Variants in NETO1 observed in about 807,000 individuals in gnomAD.
The protein encoded by NETO1 is neuropilin and tolloid like 1, also known as neuropilin and tolloid-like protein 1.
In NETO1, 26 loss-of-function variants were observed where a neutral mutation model predicts 61.3. The observed-to-expected ratio is 0.42, with a 90% CI of 0.31 to 0.59. NETO1 has a LOEUF of 0.59. Among genes scored for constraint, NETO1 ranks in the 20% least tolerant of loss-of-function variants. The probability of loss-of-function intolerance (pLI) is 0.12; values close to 1 mark genes in which losing one functional copy is unlikely to be tolerated. For synonymous variants in NETO1, 225 were observed against 225.8 expected, an observed-to-expected ratio of 1.00 and a Z score of 0.03; for missense variants, 531 against 662.8, an observed-to-expected ratio of 0.80 and a Z score of 2.18.
chr18:72,854,201 T>C (rs1417310951), intron 4 of NETO1, among the ~76,000 whole-genome samples: 1 of 152,130 alleles, frequency 6.6e-6, no homozygotes, highest in Non-Finnish European at 1.5e-5. Context: ...CACTTTGAGC[T>C]CCCCAGATGA....
intron 6 of NETO1, among the ~76,000 whole-genome samples, chr18:72,784,637 T>C (rs139370941): frequency 1.8e-3 from 276 of 152,326 alleles, no homozygotes; most frequent in African/African-American, 4.5e-3. Flanking sequence ...ATGGTATAAA[T>C]TGAAAATTAG....
intron 7 of NETO1, among the ~76,000 whole-genome samples, chr18:72,780,613 A>T (rs2071703813): frequency 6.6e-6 from 1 of 152,118 alleles, no homozygotes; most frequent in Non-Finnish European, 1.5e-5. Flanking sequence ...CCAATCACCC[A>T]TCTATCCATA....
chr18:72,800,121 G>T (rs73471815), intron 4 of NETO1, among the ~76,000 whole-genome samples: 1 of 152,202 alleles, frequency 6.6e-6, no homozygotes, highest in African/African-American at 2.4e-5. Flanking sequence ...GCTTTCAGAA[G>T]AGCTTGAGTG....
chr18:72,807,175 T>C (rs2072701557), intron 4 of NETO1, among the ~76,000 whole-genome samples: 1 of 152,234 alleles, frequency 6.6e-6, no homozygotes, highest in Non-Finnish European at 1.5e-5. Context: ...TTTAAAGGTA[T>C]ACTCTTTTCT....
At chr18:72,794,035 C>T (rs186762813) in intron 6 of NETO1, 82 bp downstream of exon 6, 331 of 1,554,424 alleles carry the variant, frequency 2.1e-4, no homozygotes, top group East Asian at 5.6e-4. Flanking sequence ...GTATTAGACA[C>T]GTCCAGTTGC....
In NETO1 at chr18:72,858,792, G is replaced by C; in HGVS notation, c.469+34C>G. 2 of 1,557,950 alleles carry C rather than the reference G, an allele frequency of 1.3e-6. 1 individual carries two copies. The highest frequency in any genetic ancestry group is 2.5e-5 in the South Asian group (2 of 80,880). On this transcript the variant is annotated intron_variant, in intron 4 of 10. Coordinates refer to ENST00000327305, the MANE Select transcript of NETO1 (RefSeq NM_138966.5). Reference sequence around the variant, plus strand: ...ACTATGAAGATAGAAAAATGAGGAAGAAAAAGAAATTTTTTTTTTAAGTAC... The same window carrying C: ...ACTATGAAGATAGAAAAATGAGGAACAAAAAGAAATTTTTTTTTTAAGTAC...
rs975805054 is a variant in NETO1, at chr18:72,858,844, G to C, written c.451C>G (p.Arg151Gly). 1 of 1,610,050 alleles carries C rather than the reference G, an allele frequency of 6.2e-7. No individual in the cohort carries two copies. Among genetic ancestry groups the C allele is most frequent in the Middle Eastern group, 1.7e-4 (1 of 6,030 alleles). The part of the protein sequence containing the change: ...GELESMGFSA[R>G]YNFTPDPDFK... ...TACTTACCAGGTGTGAAATTGTATC[G>C]AGCTGAAAATCCCATAGATTCCAGC... The change falls in exon 4 of 11, where the codon CGA becomes GGA. Residue 151 changes from arginine (R) to glycine (G), a missense_variant. Coordinates refer to ENST00000327305, the MANE Select transcript of NETO1 (RefSeq NM_138966.5).
intron 4 of NETO1, among the ~76,000 whole-genome samples, chr18:72,809,159 A>G (rs1307743061): frequency 2.0e-5 from 3 of 152,202 alleles, no homozygotes; most frequent in Admixed American, 1.3e-4. Context: ...ACTTTTTATA[A>G]AAGCCACACA....
chr18:72,752,172 T>C (rs1051053148), intron 8 of NETO1: 4 of 152,166 alleles, frequency 2.6e-5, no homozygotes, highest in African/African-American at 7.2e-5. Flanking sequence ...TAACAGCTAA[T>C]GAGAGTCCTC....
Position 72,749,195 on chromosome 18 carries a change from T to TA in NETO1, c.1542-108dup, listed in dbSNP as rs529963741. On this transcript the variant is annotated intron_variant, in intron 9 of 10. Coordinates refer to ENST00000327305, the MANE Select transcript of NETO1 (RefSeq NM_138966.5). ...TTTAAAATTCAGAAAACTGTGGAAA[T>TA]AGACTTATGTCAGCATGCAAAACAT... The TA allele has an allele frequency of 9.9e-5, 74 of 747,114 alleles. No individual in the cohort carries two copies. In the African/African-American group the frequency reaches 1.0e-3, roughly 10 times the overall value. The allele number at this position is 747,114 out of a possible 1,614,324, so 46.3% of individuals were successfully genotyped here. A position where few individuals can be genotyped will look rare whatever the true frequency, so the allele number is the denominator to read the frequency against.
downstream of NETO1, among the ~76,000 whole-genome samples, chr18:72,743,203 A>G (rs936525942): frequency 1.3e-5 from 2 of 152,162 alleles, no homozygotes; most frequent in African/African-American, 4.8e-5. Flanking sequence ...ACTCTGTCAA[A>G]TATACTTAGT....
At chr18:72,763,727 T>G (rs2071059073) in intron 7 of NETO1, among the ~76,000 whole-genome samples, 1 of 152,168 alleles carries the variant, frequency 6.6e-6, no homozygotes, top group African/African-American at 2.4e-5. Context: ...TCCCTGATCT[T>G]TAATTTGAAT....
intron 7 of NETO1, among the ~76,000 whole-genome samples, chr18:72,765,131 C>G (rs941847083): frequency 1.3e-5 from 2 of 152,202 alleles, no homozygotes; most frequent in African/African-American, 4.8e-5. Flanking sequence ...CCTTAGTACA[C>G]AGCAAGTGAT....
At chr18:72,862,280 G>A (rs996510167) in intron 3 of NETO1, among the ~76,000 whole-genome samples, 8 of 152,138 alleles carry the variant, frequency 5.3e-5, no homozygotes, top group African/African-American at 1.7e-4. Flanking sequence ...TTTAAGAGCA[G>A]TTGAAAAATA....
At chr18:72,843,668 G>A (rs760773016) in intron 4 of NETO1, among the ~76,000 whole-genome samples, 8 of 152,018 alleles carry the variant, frequency 5.3e-5, no homozygotes, top group South Asian at 4.2e-4. Flanking sequence ...AGTAGCTACC[G>A]CCATAATTCA....
chr18:72,772,825 C>CTATATATA (rs59339805), intron 7 of NETO1, among the ~76,000 whole-genome samples: 23 of 40,812 alleles, frequency 5.6e-4, no homozygotes, highest in Admixed American at 1.3e-3. Flanking sequence ...CTCTCTCTCT[C>CTATATATA]TATATATATA....
chr18:72,799,683 C>T (rs1001089307), intron 4 of NETO1, among the ~76,000 whole-genome samples: 1 of 152,258 alleles, frequency 6.6e-6, no homozygotes, highest in Non-Finnish European at 1.5e-5. Flanking sequence ...ATGCCCTTAA[C>T]TCACATCTGC....
chr18:72,804,141 A>T (rs2072598242), intron 4 of NETO1, among the ~76,000 whole-genome samples: 1 of 152,178 alleles, frequency 6.6e-6, no homozygotes, highest in Non-Finnish European at 1.5e-5. Flanking sequence ...TATTTAAAAT[A>T]TACTCAGTTT....
intron 4 of NETO1, among the ~76,000 whole-genome samples, chr18:72,841,889 C>A (rs1323548379): frequency 1.3e-5 from 2 of 152,094 alleles, no homozygotes; most frequent in African/African-American, 4.8e-5. Context: ...CTGCCAGCAA[C>A]AACTACACCA....
Sources: gnomAD v4.1 joint callset for allele counts (sites outside exome capture counted in the v4.1 genomes callset) on GRCh38, gnomAD v4.1.1 for gene constraint, MANE v1.5 for transcripts, NCBI Gene and HGNC (gene_info 2026-07-23, HGNC 2026-07-21) for gene names.